GNS: variants seen among roughly 807,000 people sequenced by gnomAD.
GNS encodes glucosamine (N-acetyl)-6-sulfatase, also known as N-acetylglucosamine-6-sulfatase.
Under a neutral mutation model 69.7 loss-of-function variants are expected in GNS, and 40 were observed. The ratio of observed to expected loss-of-function variants is 0.57; its 90% CI spans 0.45 to 0.75. The LOEUF (loss-of-function observed/expected upper bound fraction) is 0.75, where lower values mean the gene tolerates loss of function less well. GNS is among the 30% of genes least tolerant of loss of function. The pLI is 0.00. For synonymous variants in GNS, 243 were observed against 251.6 expected (o/e 0.97, Z 0.32); for missense variants, 565 against 685.5 (o/e 0.82, Z 1.96).
intron 9 of GNS, among the ~76,000 whole-genome samples, chr12:64,733,249 G>T (rs1489773239): frequency 8.3e-6 from 1 of 119,786 alleles, no homozygotes; most frequent in Non-Finnish European, 1.6e-5. Flanking sequence ...AGTGAGCCAA[G>T]ATTGTGCCAC....
chr12:64,756,637 A>C, intron 1 of GNS: 1 of 786,972 alleles, frequency 1.3e-6, no homozygotes, highest in Non-Finnish European at 2.2e-6. Context: ...TCCTGTGATG[A>C]CTGAAGCACA....
rs558719656 is a variant in GNS, at chr12:64,748,700, T to C, written c.253-782A>G. On this transcript the variant is annotated intron_variant, in intron 2 of 13. Coordinates refer to ENST00000258145, the MANE Select transcript of GNS (RefSeq NM_002076.4). ...TTCCCTACTGTAATTATATTTCCAT[T>C]AGCTACTGTCAGCAACAGATTTTCC... 2.1e-3 allele frequency among the ~76,000 whole-genome samples: 322 copies of C among 152,280 alleles called. 1 individual carries two copies. The highest frequency in any genetic ancestry group is 7.3e-3 in the African/African-American group (304 of 41,556).
At chr12:64,720,619 T>A (rs918511748) in intron 12 of GNS, among the ~76,000 whole-genome samples, 1 of 152,244 alleles carries the variant, frequency 6.6e-6, no homozygotes, top group Non-Finnish European at 1.5e-5. Context: ...GAAGTTCAAA[T>A]GAGAATGATA....
intron 9 of GNS, among the ~76,000 whole-genome samples, chr12:64,732,357 A>T (rs1476565211): frequency 6.7e-6 from 1 of 150,344 alleles, no homozygotes; most frequent in African/African-American, 2.5e-5. Flanking sequence ...TTCAGTAGAG[A>T]CGGGGTTTCA....
chr12:64,759,060 G>A, intron 1 of GNS, 25 bp downstream of exon 1: 1 of 1,537,818 alleles, frequency 6.5e-7, no homozygotes, highest in Non-Finnish European at 8.8e-7. Context: ...GAGATAGAGG[G>A]GCGGGGCAGA....
chr12:64,743,225 C>T lies in GNS; in HGVS notation c.708G>A (p.Ser236=), dbSNP rs775884527. Residue 236 remains serine, a synonymous_variant, in exon 6 of 14, where the codon TCG becomes TCA. Coordinates refer to ENST00000258145, the MANE Select transcript of GNS (RefSeq NM_002076.4). ...FMMIATPAPH[S]PWTAAPQYQK... ...GGTACTGAGGTGCAGCTGTCCAAGGCGAATGAGGCGCTGGAGTGGCGATCA... is the reference window on the plus strand; with the variant it reads ...GGTACTGAGGTGCAGCTGTCCAAGGTGAATGAGGCGCTGGAGTGGCGATCA... 7.4e-5 allele frequency: 120 copies of T among 1,612,558 alleles called. 2 individuals are homozygous for T. In the South Asian group the frequency reaches 1.0e-3, roughly 14 times the overall value.
chr12:64,741,656 C>A (rs1869740568), intron 6 of GNS, among the ~76,000 whole-genome samples: 1 of 152,038 alleles, frequency 6.6e-6, no homozygotes. Context: ...CTTATTACAG[C>A]AATTTCCTAA....
At chr12:64,721,168 T>G (rs891160529) in intron 12 of GNS, among the ~76,000 whole-genome samples, 11 of 152,182 alleles carry the variant, frequency 7.2e-5, no homozygotes, top group Admixed American at 1.3e-4. Context: ...AACCACCTTC[T>G]TCCATGGATG....
At chr12:64,758,873 C>G (rs1037326976) in intron 1 of GNS, among the ~76,000 whole-genome samples, 2 of 152,220 alleles carry the variant, frequency 1.3e-5, no homozygotes, top group East Asian at 1.9e-4. Context: ...ACTAGAAGCT[C>G]TGTGTGCTGT....
At chr12:64,745,575 T>G (rs1453810921) in intron 4 of GNS, 84 bp downstream of exon 4, 5 of 877,320 alleles carry the variant, frequency 5.7e-6, no homozygotes, top group Non-Finnish European at 9.9e-6. Context: ...GCAAATAAAG[T>G]TATGTCAATA....
At chr12:64,757,718 A>C (rs749971068) in intron 1 of GNS, among the ~76,000 whole-genome samples, 6 of 152,240 alleles carry the variant, frequency 3.9e-5, no homozygotes, top group Non-Finnish European at 1.5e-5. Context: ...TGTAACACAC[A>C]CACTCACACA....
At position 64,713,730 on chromosome 12, in the gene GNS, C is replaced by A. The variant is rs913068025; in HGVS notation, c.*3011G>T. Reference sequence around the variant, plus strand: ...AACTTTCCTTTAAAAAAGCACTAAACCTTAGTTTAGACACTTAATAAGTTT... The same window carrying A: ...AACTTTCCTTTAAAAAAGCACTAAAACTTAGTTTAGACACTTAATAAGTTT... On this transcript the variant is annotated 3_prime_UTR_variant, in exon 14 of 14. Transcript: ENST00000258145. 6.6e-6 allele frequency: 1 copy of A among 152,230 alleles called. No individual in the cohort carries two copies. The highest frequency in any genetic ancestry group is 1.5e-5 in the Non-Finnish European group (1 of 68,024). The allele number at this position is 152,230 out of a possible 1,614,324, so 9.4% of individuals were successfully genotyped here. A position where few individuals can be genotyped will look rare whatever the true frequency, so the allele number is the denominator to read the frequency against.
chr12:64,717,510 C>A (rs1226096657), intron 13 of GNS, among the ~76,000 whole-genome samples: 1 of 138,698 alleles, frequency 7.2e-6, no homozygotes, highest in African/African-American at 2.6e-5. Flanking sequence ...CGCCACCACA[C>A]CTGGCTAATT....
intron 1 of GNS, among the ~76,000 whole-genome samples, chr12:64,757,545 AACAG>A (rs1427354435): frequency 6.6e-6 from 1 of 152,208 alleles, no homozygotes; most frequent in African/African-American, 2.4e-5. Context: ...GGTAGAAACT[AACAG>A]ACAATGAAGC....
Position 64,716,108 on chromosome 12 carries a change from G to A in GNS, c.*633C>T, listed in dbSNP as rs1030349907. 3.1e-5 allele frequency: 5 copies of A among 159,708 alleles called. No homozygotes were observed. Among genetic ancestry groups the A allele is most frequent in the Admixed American group, 2.3e-4 (4 of 17,292 alleles). 9.9% of individuals were successfully genotyped at this position (159,708 alleles called of 1,614,324 possible). On this transcript the variant is annotated 3_prime_UTR_variant, in exon 14 of 14. Transcript: ENST00000258145. ...TCTATTTCAGTGCAGCACCAGCCTA[G>A]AATTCACAAAAACATGAACAGAGCT...
At position 64,738,135 on chromosome 12, in the gene GNS, G is replaced by A. The variant is rs7957953; in HGVS notation, c.995-1028C>T. Among the ~76,000 whole-genome samples, 1,293 of 151,798 alleles carry A rather than the reference G, an allele frequency of 8.5e-3. 20 individuals carry two copies. The highest frequency in any genetic ancestry group is 0.029 in the African/African-American group (1,219 of 41,386). ...AGAGATTCTCCTGCCTCAGCCTCCC[G>A]AGTAGCTGAGACTACAGGCATGTGC... On this transcript the variant is annotated intron_variant, in intron 8 of 13. Transcript: ENST00000258145.
intron 13 of GNS, 70 bp downstream of exon 13, chr12:64,719,952 C>T (rs1868973721): frequency 1.9e-6 from 2 of 1,029,596 alleles, no homozygotes; most frequent in South Asian, 1.3e-5. Flanking sequence ...AAAGGGCTCC[C>T]TTTGCCTTCA....
At chr12:64,755,129 T>C (rs1170997084) in intron 1 of GNS, among the ~76,000 whole-genome samples, 4 of 152,124 alleles carry the variant, frequency 2.6e-5, no homozygotes, top group Non-Finnish European at 5.9e-5. Context: ...GCCAACTTCA[T>C]GCCTTCATGT....
intron 12 of GNS, 148 bp from the exon 13 acceptor site, chr12:64,720,330 C>G (rs939752465): frequency 3.0e-6 from 2 of 664,820 alleles, no homozygotes; most frequent in Admixed American, 2.5e-5. Flanking sequence ...AATCTGTTTT[C>G]AAGATCCTCA....
Sources: allele counts gnomAD v4.1 joint callset (sites outside exome capture counted in the v4.1 genomes callset), GRCh38; gene constraint gnomAD v4.1.1; transcripts MANE v1.5; gene names NCBI Gene and HGNC (gene_info 2026-07-23, HGNC 2026-07-21).